TLL1: variants seen among roughly 807,000 people sequenced by gnomAD.
TLL1 encodes the protein tolloid like 1, also known as tolloid-like protein 1.
Under a neutral mutation model 128.2 loss-of-function variants are expected in TLL1, and 49 were observed. That is an observed-to-expected ratio of 0.38 (90% CI 0.30 to 0.48). The LOEUF (loss-of-function observed/expected upper bound fraction) is 0.48. TLL1 is among the 20% of genes least tolerant of loss of function. TLL1 has a pLI of 0.96. For synonymous variants in TLL1, 454 were observed against 418.8 expected (o/e 1.08, Z -1.03); for missense variants, 1,123 against 1,242.0 (o/e 0.90, Z 1.44).
At chr4:165,970,320 A>G (rs183202424) in intron 1 of TLL1, among the ~76,000 whole-genome samples, 98 of 152,306 alleles carry the variant, frequency 6.4e-4, no homozygotes, top group African/African-American at 2.2e-3. Flanking sequence ...CAAAATCAGG[A>G]AGGAATATAA....
intron 1 of TLL1, among the ~76,000 whole-genome samples, chr4:165,973,449 C>T (rs1735721940): frequency 6.6e-6 from 1 of 151,908 alleles, no homozygotes; most frequent in Admixed American, 6.6e-5. Context: ...CTCTGGGCTA[C>T]AAGTAGGCAA....
chr4:165,939,469 A>G (rs539499549), intron 1 of TLL1, among the ~76,000 whole-genome samples: 7 of 152,190 alleles, frequency 4.6e-5, no homozygotes, highest in African/African-American at 1.7e-4. Flanking sequence ...TATGTAGCTT[A>G]ATAGATCTGA....
At chr4:165,945,550 A>T (rs751497454) in intron 1 of TLL1, among the ~76,000 whole-genome samples, 5 of 152,142 alleles carry the variant, frequency 3.3e-5, no homozygotes, top group African/African-American at 9.7e-5. Flanking sequence ...GTCATTTTTT[A>T]AAATTTGAAA....
At chr4:165,981,706 A>T (rs1736154842) in intron 1 of TLL1, among the ~76,000 whole-genome samples, 1 of 152,062 alleles carries the variant, frequency 6.6e-6, no homozygotes, top group Non-Finnish European at 1.5e-5. Context: ...GGATTACTTA[A>T]CATTGAAATT....
chr4:166,049,360 A>G (rs1169264559), intron 12 of TLL1, among the ~76,000 whole-genome samples: 1 of 152,154 alleles, frequency 6.6e-6, no homozygotes, highest in Non-Finnish European at 1.5e-5. Flanking sequence ...TTCCTTTTGT[A>G]ACTATCTTCA....
intron 5 of TLL1, among the ~76,000 whole-genome samples, chr4:166,003,183 G>T (rs1235970260): frequency 6.6e-6 from 1 of 152,066 alleles, no homozygotes; most frequent in Non-Finnish European, 1.5e-5. Context: ...AATTACAAAA[G>T]CACTTGAACT....
chr4:165,965,320 C>A lies in TLL1; in HGVS notation c.170-24061C>A, dbSNP rs55667021. 5.2e-3 allele frequency among the ~76,000 whole-genome samples: 787 copies of A among 152,216 alleles called. 11 individuals are homozygous for A. Among genetic ancestry groups the A allele is most frequent in the African/African-American group, 0.018 (732 of 41,536 alleles). On this transcript the variant is annotated intron_variant, in intron 1 of 20. Transcript: ENST00000061240. ...CTTTGCAAAAGATTTTATGTCAACACCCCTTTACTCTAAAGTCAGATTTAG... is the reference window on the plus strand; with the variant it reads ...CTTTGCAAAAGATTTTATGTCAACAACCCTTTACTCTAAAGTCAGATTTAG...
chr4:166,018,610 A>G (rs1738063209), intron 8 of TLL1, among the ~76,000 whole-genome samples: 1 of 152,174 alleles, frequency 6.6e-6, no homozygotes, highest in Admixed American at 6.6e-5. Context: ...ATCAACAAAC[A>G]AAACAAATAA....
intron 7 of TLL1, among the ~76,000 whole-genome samples, chr4:166,010,627 G>C (rs1737648203): frequency 6.6e-6 from 1 of 150,464 alleles, no homozygotes; most frequent in Non-Finnish European, 1.5e-5. Context: ...TGTGTCCTTT[G>C]ATGTACACAA....
intron 12 of TLL1, among the ~76,000 whole-genome samples, chr4:166,050,557 T>C (rs575230893): frequency 6.6e-6 from 1 of 152,294 alleles, no homozygotes; most frequent in Non-Finnish European, 1.5e-5. Flanking sequence ...AATTTCTAAG[T>C]TTTCAGAGAT....
At chr4:165,881,651 G>T (rs779522784) in intron 1 of TLL1, among the ~76,000 whole-genome samples, 5 of 152,170 alleles carry the variant, frequency 3.3e-5, no homozygotes, top group African/African-American at 1.2e-4. Context: ...GAGCATTCTC[G>T]TAGTGTGAGA....
chr4:165,991,714 TA>T (rs1183369402), intron 2 of TLL1, among the ~76,000 whole-genome samples: 1 of 151,804 alleles, frequency 6.6e-6, no homozygotes, highest in African/African-American at 2.4e-5. Flanking sequence ...CAATTTTAAA[TA>T]AAAAAATAGA....
rs927070413 is a variant in TLL1 at position 166,057,287 on chromosome 4, C to T, written c.1824C>T (p.Gly608=). 4 of 1,613,696 alleles carry T rather than the reference C, an allele frequency of 2.5e-6. No homozygotes were observed. Among genetic ancestry groups the T allele is most frequent in the Non-Finnish European group, 3.4e-6 (4 of 1,179,932 alleles). ...QCACEPGYEL[G]PDRRSCEAAC... Reference sequence around the variant, plus strand: ...CCTGTGAGCCTGGCTATGAGCTGGGCCCAGACAGAAGGAGCTGTGAAGGTA... The same window carrying T: ...CCTGTGAGCCTGGCTATGAGCTGGGTCCAGACAGAAGGAGCTGTGAAGGTA... The change falls in exon 14 of 21, where the codon GGC becomes GGT. Residue 608 remains glycine (G), a synonymous_variant. Coordinates refer to ENST00000061240, the MANE Select transcript of TLL1 (RefSeq NM_012464.5).
intron 1 of TLL1, among the ~76,000 whole-genome samples, chr4:165,878,096 C>T (rs1730801721): frequency 6.6e-6 from 1 of 152,080 alleles, no homozygotes; most frequent in South Asian, 2.1e-4. Context: ...TATGCTAGGC[C>T]TTGTGATAAT....
intron 12 of TLL1, among the ~76,000 whole-genome samples, chr4:166,050,304 A>G (rs138194117): frequency 1.1e-4 from 16 of 152,282 alleles, no homozygotes; most frequent in African/African-American, 3.4e-4. Context: ...ATAATATTCC[A>G]TTGTATGTGT....
chr4:166,099,642 AGGCT>A, intron 20 of TLL1, 115 bp downstream of exon 20: 1 of 1,246,480 alleles, frequency 8.0e-7, no homozygotes, highest in Non-Finnish European at 1.1e-6. Context: ...AAAAAAAAAA[AGGCT>A]ACATTGTATT....
At chr4:166,076,326 G>A (rs1448605373) in intron 17 of TLL1, among the ~76,000 whole-genome samples, 2 of 151,982 alleles carry the variant, frequency 1.3e-5, no homozygotes, top group Non-Finnish European at 2.9e-5. Flanking sequence ...ACCTGCCACG[G>A]CCTCCCAAAG....
At chr4:165,890,154 G>A (rs147665597) in intron 1 of TLL1, among the ~76,000 whole-genome samples, 65 of 152,214 alleles carry the variant, frequency 4.3e-4, no homozygotes, top group African/African-American at 1.5e-3. Context: ...CATGAGAACA[G>A]CACGGAGGTA....
At chr4:165,908,602 G>T (rs1052128791) in intron 1 of TLL1, among the ~76,000 whole-genome samples, 1 of 147,240 alleles carries the variant, frequency 6.8e-6, no homozygotes, top group Non-Finnish European at 1.5e-5. Context: ...AAAAAAAAAA[G>T]GGAAGCGTGG....
Sources: allele counts gnomAD v4.1 joint callset (sites outside exome capture counted in the v4.1 genomes callset), GRCh38; gene constraint gnomAD v4.1.1; transcripts MANE v1.5; gene names NCBI Gene and HGNC (gene_info 2026-07-23, HGNC 2026-07-21).